ECE1: variants seen among roughly 807,000 people sequenced by gnomAD.
ECE1 encodes the protein endothelin converting enzyme 1.
Under a neutral mutation model 98.6 loss-of-function variants are expected in ECE1, and 35 were observed. The observed-to-expected ratio is 0.35, with a 90% confidence interval of 0.27 to 0.47. The LOEUF is 0.47. ECE1 is among the 20% of genes least tolerant of loss of function. ECE1 has a pLI of 1.00. For missense variants in ECE1, 814 were observed against 1,025.3 expected (o/e 0.79, Z 2.81); for synonymous variants, 394 against 407.1 (o/e 0.97, Z 0.39).
chr1:21,263,361 AT>A (rs34915173), intron 4 of ECE1, among the ~76,000 whole-genome samples: 69 of 128,216 alleles, frequency 5.4e-4, no homozygotes, highest in Middle Eastern at 3.9e-3. Flanking sequence ...TTTTATATTT[AT>A]TTTTTTTTTT....
rs541878983 is a variant in ECE1 at position 21,314,065 on chromosome 1, T to C, written c.4-23909A>G. Among the ~76,000 whole-genome samples the C allele has an allele frequency of 1.1e-3, 168 of 152,326 alleles. 1 individual carries two copies. Among genetic ancestry groups the C allele is most frequent in the African/African-American group, 3.9e-3 (164 of 41,568 alleles). ...CACATCTTGAGCAATGACTTCATTCTAGGTTCCGTGCTAAGCACTTTACGT... is the reference window on the plus strand; with the variant it reads ...CACATCTTGAGCAATGACTTCATTCCAGGTTCCGTGCTAAGCACTTTACGT... On this transcript the variant is annotated intron_variant, in intron 1 of 18. Transcript: ENST00000415912.
At position 21,260,461 on chromosome 1, in the gene ECE1, C is replaced by T. The variant is rs2098225323; in HGVS notation, c.494-69G>A. On this transcript the variant is annotated intron_variant, in intron 4 of 18. Transcript: ENST00000374893. The surrounding 1 kb of genome is among the most constrained non-coding windows in gnomAD (Gnocchi z 4.3). ...CCACTGGGTGGCTTTGGGGCAGTCCCTCTTTTCGGAGCCTTGGTGTTCTCA... is the reference window on the plus strand; with the variant it reads ...CCACTGGGTGGCTTTGGGGCAGTCCTTCTTTTCGGAGCCTTGGTGTTCTCA... 1 of 1,590,576 alleles carries T rather than the reference C, an allele frequency of 6.3e-7. No homozygotes were observed. The highest frequency in any genetic ancestry group is 1.7e-5 in the Admixed American group (1 of 59,998).
At chr1:21,342,502 T>A (rs1558441215) in intron 1 of ECE1, among the ~76,000 whole-genome samples, 2 of 151,920 alleles carry the variant, frequency 1.3e-5, no homozygotes, top group Non-Finnish European at 2.9e-5. Context: ...CAGCACTGAC[T>A]CCCTGCCAAG....
At chr1:21,247,680 C>T (rs931540754) in intron 8 of ECE1, among the ~76,000 whole-genome samples, 1 of 152,176 alleles carries the variant, frequency 6.6e-6, no homozygotes, top group East Asian at 1.9e-4. Context: ...GCATATGATT[C>T]CACCTGGTCC....
chr1:21,279,902 AGCTGAATGGGG>A (rs2098252393), intron 2 of ECE1: 1 of 189,706 alleles, frequency 5.3e-6, no homozygotes, highest in Non-Finnish European at 1.0e-5. Flanking sequence ...CTCACCACCC[AGCTGAATGGGG>A]ACAGCTGGGA....
chr1:21,343,277 G>C (rs1424347591), intron 1 of ECE1, among the ~76,000 whole-genome samples: 1 of 152,202 alleles, frequency 6.6e-6, no homozygotes, highest in Non-Finnish European at 1.5e-5. Context: ...CCCTCACATG[G>C]GGTTTGGCTT....
chr1:21,294,093 T>C (rs1638281779), upstream of ECE1: 1 of 152,622 alleles, frequency 6.6e-6, no homozygotes, highest in Non-Finnish European at 1.5e-5. This position sits in a 1 kb window ranked among gnomAD's most constrained non-coding sequence, Gnocchi z 4.2. Flanking sequence ...CTGACTCCAT[T>C]ACGCTGCCTC....
intron 1 of ECE1, among the ~76,000 whole-genome samples, chr1:21,333,638 G>A (rs1639250962): frequency 6.6e-6 from 1 of 152,160 alleles, no homozygotes; most frequent in African/African-American, 2.4e-5. Flanking sequence ...TTCGAGACCA[G>A]CCTGGCCAAC....
At position 21,258,554 on chromosome 1, in the gene ECE1, G is replaced by C; in HGVS notation, c.762+139C>G. 1 of 1,379,728 alleles carries C rather than the reference G, an allele frequency of 7.2e-7. No homozygotes were observed. 85.5% of individuals were successfully genotyped at this position (1,379,728 alleles called of 1,614,324 possible). A position where few individuals can be genotyped will look rare whatever the true frequency, so the allele number is the denominator to read the frequency against. The stretch of plus-strand genomic sequence containing the variant: ...AAAGATCTCACCAGTGGGGCCTCTG[G>C]AAATAACCCAGGCTCAGAAACTAGA... On this transcript the variant is annotated intron_variant, in intron 6 of 18. Transcript: ENST00000374893. This position sits in a 1 kb window ranked among gnomAD's most constrained non-coding sequence, Gnocchi z 4.2.
rs1417434069 is a variant in ECE1 at position 21,230,905 on chromosome 1, C to T, written c.1670+2653G>A. 3.3e-5 allele frequency among the ~76,000 whole-genome samples: 5 copies of T among 151,982 alleles called. No homozygotes were observed. In the South Asian group the frequency reaches 6.2e-4, roughly 19 times the overall value. On this transcript the variant is annotated intron_variant, in intron 14 of 18. Transcript: ENST00000374893. The stretch of plus-strand genomic sequence containing the variant: ...GGCAATGGCACCATCTTGGATCACC[C>T]GCAACGTCTGCTTCCCGGGTTCAAG...
In ECE1 at chr1:21,235,019, T is replaced by C. The variant is rs1050366728; in HGVS notation, c.1566+831A>G. On this transcript the variant is annotated intron_variant, in intron 13 of 18. Transcript: ENST00000374893. This position sits in a 1 kb window ranked among gnomAD's most constrained non-coding sequence, Gnocchi z 4.2. ...ATAACCATGACGAGAGGTTATTAGA[T>C]TTTTAAATGCCTGAATTCAGGCTGG... Among the ~76,000 whole-genome samples, 2 of 152,162 alleles carry C rather than the reference T, an allele frequency of 1.3e-5. No homozygotes were observed. The highest frequency in any genetic ancestry group is 2.4e-5 in the African/African-American group (1 of 41,452).
intron 2 of ECE1, 143 bp from the exon 3 acceptor site, chr1:21,279,475 G>T: frequency 1.3e-6 from 2 of 1,520,554 alleles, no homozygotes; most frequent in South Asian, 1.2e-5. Context: ...GGTTCCCACA[G>T]ATTCAGCCCT....
At position 21,282,475 on chromosome 1, in the gene ECE1, C is replaced by G. The variant is rs559683191; in HGVS notation, c.139-3143G>C. 4.6e-5 allele frequency among the ~76,000 whole-genome samples: 7 copies of G among 151,382 alleles called. No individual in the cohort carries two copies. The South Asian group carries it at 1.5e-3, about 32-fold the overall frequency. On this transcript the variant is annotated intron_variant, in intron 2 of 18. Transcript: ENST00000374893. ...TGGTGGCTCATGCCTGTAATCCCAG[C>G]TACTGGGGAGGCTGAGGTGAGAGAA...
chr1:21,326,599 A>T (rs977776433), intron 1 of ECE1, among the ~76,000 whole-genome samples: 8 of 151,794 alleles, frequency 5.3e-5, no homozygotes. Context: ...TGAGGTTCAT[A>T]ATAGGGGGGT....
intron 17 of ECE1, among the ~76,000 whole-genome samples, chr1:21,222,342 C>T (rs1268897721): frequency 6.6e-6 from 1 of 152,144 alleles, no homozygotes; most frequent in Non-Finnish European, 1.5e-5. Context: ...TGTCTCTTGC[C>T]TGGACAACCT....
At chr1:21,330,734 C>A (rs1569774996) in intron 1 of ECE1, among the ~76,000 whole-genome samples, 2 of 152,174 alleles carry the variant, frequency 1.3e-5, no homozygotes, top group African/African-American at 2.4e-5. Context: ...GCTAATCCTT[C>A]TTCCTCCCCC....
chr1:21,224,546 C>G (rs1348279971), intron 17 of ECE1, among the ~76,000 whole-genome samples: 2 of 152,124 alleles, frequency 1.3e-5, no homozygotes, highest in African/African-American at 4.8e-5. Flanking sequence ...GCTGGGAATA[C>G]TCCAAGCCTG....
chr1:21,238,454 C>G (rs1310742995), intron 10 of ECE1: 3 of 624,784 alleles, frequency 4.8e-6, no homozygotes, highest in African/African-American at 1.8e-5. Context: ...ATGCCAGGCT[C>G]TGTGCTGGGA....
At chr1:21,276,026 CTTTTTTTTTT>C (rs532213567) in intron 3 of ECE1, among the ~76,000 whole-genome samples, 5 of 91,272 alleles carry the variant, frequency 5.5e-5, no homozygotes, top group Admixed American at 1.3e-4. Flanking sequence ...TTAATACGTG[CTTTTTTTTTT>C]TTTTTTTTTT....
Sources: gnomAD v4.1 joint callset for allele counts (sites outside exome capture counted in the v4.1 genomes callset) on GRCh38, gnomAD v4.1.1 for gene constraint, Gnocchi (gnomAD v3.1) non-coding constraint, MANE v1.5 for transcripts, NCBI Gene and HGNC (gene_info 2026-07-23, HGNC 2026-07-21) for gene names.